MYO5B: variants seen among roughly 807,000 people sequenced by gnomAD.
MYO5B encodes unconventional myosin-Vb.
MYO5B carries 143 observed loss-of-function variants against 229.3 expected under a neutral mutation model. The observed-to-expected ratio is 0.62, with a 90% confidence interval of 0.54 to 0.72. The LOEUF (loss-of-function observed/expected upper bound fraction) is 0.72, where lower values mean the gene tolerates loss of function less well. Ranked by LOEUF, MYO5B falls within the 30% of genes least tolerant of loss-of-function variation. The pLI is 0.00. For missense variants in MYO5B, 2,321 were observed against 2,331.0 expected, an observed-to-expected ratio of 1.00 and a Z score of 0.09; for synonymous variants, 918 against 885.2, an observed-to-expected ratio of 1.04 and a Z score of -0.66.
intron 4 of MYO5B, among the ~76,000 whole-genome samples, chr18:50,014,298 T>C (rs1027448732): frequency 9.0e-5 from 11 of 122,228 alleles, no homozygotes; most frequent in African/African-American, 3.0e-4. Context: ...AAAAAAAAAC[T>C]ACGGGTATGG....
chr18:50,016,452 A>G (rs2026216576), intron 4 of MYO5B, among the ~76,000 whole-genome samples: 1 of 152,204 alleles, frequency 6.6e-6, no homozygotes, highest in Non-Finnish European at 1.5e-5. Context: ...CATAATGTGT[A>G]TCTATGAAAT....
chr18:50,037,077 A>G, intron 3 of MYO5B, 83 bp from the exon 4 acceptor site: 1 of 1,521,736 alleles, frequency 6.6e-7, no homozygotes, highest in Non-Finnish European at 9.1e-7. Flanking sequence ...CCATTCATAC[A>G]CATGCCAAAA....
intron 4 of MYO5B, among the ~76,000 whole-genome samples, chr18:50,021,668 C>T (rs893724638): frequency 6.8e-6 from 1 of 146,998 alleles, no homozygotes; most frequent in Non-Finnish European, 1.5e-5. Flanking sequence ...GCATCCTAAC[C>T]AATGCCCAAT....
intron 1 of MYO5B, among the ~76,000 whole-genome samples, chr18:50,148,452 C>T (rs142227534): frequency 0.18 from 27,904 of 151,128 alleles, 3,312 homozygotes; most frequent in Non-Finnish European, 0.26. Flanking sequence ...ACTGGCAAAC[C>T]GAATCCAGCA....
In MYO5B at chr18:50,126,940, G is replaced by T. The variant is rs537918453; in HGVS notation, c.27+67827C>A. Among the ~76,000 whole-genome samples the T allele has an allele frequency of 2.9e-4, 44 of 152,134 alleles. 1 individual carries two copies. The highest frequency in any genetic ancestry group is 5.4e-4 in the Non-Finnish European group (37 of 68,022). Reference sequence around the variant, plus strand: ...ATACAGGAAGTTTTTACAATTCATTGGTTAGTGTCACAGAAAAAAGCAAGT... The same window carrying T: ...ATACAGGAAGTTTTTACAATTCATTTGTTAGTGTCACAGAAAAAAGCAAGT... On this transcript the variant is annotated intron_variant, in intron 1 of 39. Transcript: ENST00000285039.
At chr18:50,159,311 TTCTAAC>T (rs774094358) in intron 1 of MYO5B, among the ~76,000 whole-genome samples, 139 of 152,204 alleles carry the variant, frequency 9.1e-4, no homozygotes, top group Non-Finnish European at 1.6e-3. Context: ...TTCCTCTACT[TTCTAAC>T]TCTGATATTT....
chr18:49,998,269 A>C (rs993916483), intron 5 of MYO5B, among the ~76,000 whole-genome samples: 5 of 152,314 alleles, frequency 3.3e-5, no homozygotes, highest in African/African-American at 1.2e-4. Context: ...CAGGACTTAC[A>C]TAATTTCCAA....
At chr18:50,068,387 C>A (rs921718842) in intron 1 of MYO5B, among the ~76,000 whole-genome samples, 3 of 152,212 alleles carry the variant, frequency 2.0e-5, no homozygotes, top group Admixed American at 6.5e-5. Flanking sequence ...CCCAGATCTA[C>A]AGCATTAGTT....
At chr18:50,074,041 C>T (rs182069513) in intron 1 of MYO5B, among the ~76,000 whole-genome samples, 51 of 152,214 alleles carry the variant, frequency 3.4e-4, no homozygotes, top group African/African-American at 1.2e-3. Flanking sequence ...TCCATTTTCA[C>T]GTTGCTGATA....
At chr18:49,965,692 G>C (rs768134257) in intron 10 of MYO5B, among the ~76,000 whole-genome samples, 1 of 152,192 alleles carries the variant, frequency 6.6e-6, no homozygotes, top group Non-Finnish European at 1.5e-5. Context: ...CAAGGCCAGA[G>C]AGTCGGTAGG....
intron 1 of MYO5B, among the ~76,000 whole-genome samples, chr18:50,165,446 T>C (rs937393535): frequency 6.6e-6 from 1 of 151,300 alleles, no homozygotes; most frequent in Non-Finnish European, 1.5e-5. Flanking sequence ...TGCCACTGCA[T>C]TCCAGCCTGG....
chr18:49,931,666 G>A lies in MYO5B; in HGVS notation c.2004-2068C>T, dbSNP rs77006089. On this transcript the variant is annotated intron_variant, in intron 16 of 39. Coordinates refer to ENST00000285039, the MANE Select transcript of MYO5B (RefSeq NM_001080467.3). ...GGAAGCACAGTTCCAGGATCCAAGGGGGTCTTCATTACCAGGGGCGGCAAT... is the reference window on the plus strand; with the variant it reads ...GGAAGCACAGTTCCAGGATCCAAGGAGGTCTTCATTACCAGGGGCGGCAAT... Among the ~76,000 whole-genome samples the A allele has an allele frequency of 6.6e-5, 10 of 152,270 alleles. No individual in the cohort carries two copies. In the East Asian group the frequency reaches 1.7e-3, roughly 26 times the overall value.
At chr18:49,968,135 C>T (rs2025647413) in intron 10 of MYO5B, among the ~76,000 whole-genome samples, 1 of 152,112 alleles carries the variant, frequency 6.6e-6, no homozygotes, top group South Asian at 2.1e-4. Context: ...TGACAGGAAA[C>T]TAGTACATGA....
intron 1 of MYO5B, among the ~76,000 whole-genome samples, chr18:50,131,426 C>T (rs556610909): frequency 9.8e-5 from 15 of 152,286 alleles, no homozygotes; most frequent in African/African-American, 3.6e-4. Flanking sequence ...CATCAAATCA[C>T]ATCCAAAGTT....
At chr18:50,036,625 C>A (rs1423794776) in intron 4 of MYO5B, among the ~76,000 whole-genome samples, 2 of 152,150 alleles carry the variant, frequency 1.3e-5, no homozygotes, top group Non-Finnish European at 2.9e-5. Flanking sequence ...TGAAATAAGT[C>A]TAAAGAGCCA....
intron 38 of MYO5B, among the ~76,000 whole-genome samples, chr18:49,836,039 G>A (rs992073547): frequency 9.9e-5 from 15 of 152,242 alleles, no homozygotes; most frequent in Non-Finnish European, 1.8e-4. Context: ...TAAAGAGTTA[G>A]ATATTTAATA....
intron 18 of MYO5B, among the ~76,000 whole-genome samples, chr18:49,911,489 A>G (rs2024956942): frequency 6.6e-6 from 1 of 152,250 alleles, no homozygotes; most frequent in African/African-American, 2.4e-5. Flanking sequence ...GTTTACCTAG[A>G]TAGCTTGTTT....
At chr18:50,092,514 T>C (rs2031468118) in intron 1 of MYO5B, among the ~76,000 whole-genome samples, 1 of 152,060 alleles carries the variant, frequency 6.6e-6, no homozygotes, top group South Asian at 2.1e-4. Context: ...TAACAATCAG[T>C]TTTTTGTTTT....
At chr18:49,841,236 T>G in intron 35 of MYO5B, 129 bp downstream of exon 35, 1 of 843,118 alleles carries the variant, frequency 1.2e-6, no homozygotes, top group South Asian at 1.4e-5. Flanking sequence ...CATGATAAGG[T>G]GTGCCCACGG....
Sources: allele counts gnomAD v4.1 joint callset (sites outside exome capture counted in the v4.1 genomes callset), GRCh38; gene constraint gnomAD v4.1.1; transcripts MANE v1.5; gene names NCBI Gene and HGNC (gene_info 2026-07-23, HGNC 2026-07-21).